ORC4: variants seen among roughly 807,000 people sequenced by gnomAD.
ORC4 encodes the protein origin recognition complex, subunit 4 homolog.
In ORC4, 55 loss-of-function variants were observed where a neutral mutation model predicts 63.9. That is an observed-to-expected ratio of 0.86 (90% CI 0.69 to 1.08). The LOEUF (loss-of-function observed/expected upper bound fraction) is 1.08. Ranked by LOEUF, ORC4 falls within the 50% of genes least tolerant of loss-of-function variation. The probability of loss-of-function intolerance (pLI) is 0.00; values close to 1 mark genes in which losing one functional copy is unlikely to be tolerated. For synonymous variants in ORC4, 150 were observed against 168.5 expected, an observed-to-expected ratio of 0.89 and a Z score of 0.85; for missense variants, 511 against 504.4, an observed-to-expected ratio of 1.01 and a Z score of -0.13.
Position 147,932,056 on chromosome 2 carries a change from C to A in ORC4, c.*3454G>T, listed in dbSNP as rs1421017454. 1 of 151,870 alleles carries A rather than the reference C, an allele frequency of 6.6e-6. No individual in the cohort carries two copies. Among genetic ancestry groups the A allele is most frequent in the African/African-American group, 2.4e-5 (1 of 41,322 alleles). The allele number at this position is 151,870 out of a possible 1,614,324, so 9.4% of individuals were successfully genotyped here. A position where few individuals can be genotyped will look rare whatever the true frequency, so the allele number is the denominator to read the frequency against. ...GACATGATTGTATATCTAGAAAACC[C>A]CATCGTCTCAGCCCAAAATCTCCTT... On this transcript the variant is annotated 3_prime_UTR_variant, in exon 14 of 14. Coordinates refer to ENST00000392857, the MANE Select transcript of ORC4 (RefSeq NM_181741.4).
chr2:147,951,496 T>C (rs1176031750), intron 8 of ORC4: 1 of 152,072 alleles, frequency 6.6e-6, no homozygotes, highest in African/African-American at 2.4e-5. Flanking sequence ...AGACAGTGAG[T>C]TGTTATAAAT....
intron 9 of ORC4, among the ~76,000 whole-genome samples, chr2:147,944,788 A>G (rs2105276458): frequency 6.6e-6 from 1 of 151,922 alleles, no homozygotes; most frequent in Non-Finnish European, 1.5e-5. Context: ...TAAGAAGACC[A>G]GATTCAGAAG....
chr2:148,005,253 G>A (rs1692555290), intron 1 of ORC4, among the ~76,000 whole-genome samples: 1 of 152,144 alleles, frequency 6.6e-6, no homozygotes, highest in African/African-American at 2.4e-5. Flanking sequence ...CATGTCCTTT[G>A]CAGGGACACG....
At chr2:147,992,713 A>G (rs1691696552) in intron 1 of ORC4, among the ~76,000 whole-genome samples, 1 of 152,190 alleles carries the variant, frequency 6.6e-6, no homozygotes, top group African/African-American at 2.4e-5. Context: ...GCTAGGGCTA[A>G]GGAAATGATA....
chr2:147,972,687 T>C (rs370164489), intron 4 of ORC4, 52 bp downstream of exon 4: 1 of 948,092 alleles, frequency 1.1e-6, no homozygotes, highest in African/African-American at 1.6e-5. Context: ...TATTCTTATA[T>C]AAAATAAGAA....
At chr2:147,979,287 AT>A (rs1690731207) in intron 1 of ORC4, among the ~76,000 whole-genome samples, 1 of 152,220 alleles carries the variant, frequency 6.6e-6, no homozygotes, top group South Asian at 2.1e-4. Flanking sequence ...ACATAAAAAA[AT>A]CAATAAGATT....
At chr2:148,014,641 T>A (rs891271847) in intron 1 of ORC4, among the ~76,000 whole-genome samples, 1 of 152,140 alleles carries the variant, frequency 6.6e-6, no homozygotes, top group Non-Finnish European at 1.5e-5. Flanking sequence ...TAGCCACAGA[T>A]TCACTCAACC....
At chr2:148,017,336 T>C (rs997561721) in intron 1 of ORC4, among the ~76,000 whole-genome samples, 12 of 152,248 alleles carry the variant, frequency 7.9e-5, no homozygotes, top group African/African-American at 2.9e-4. Flanking sequence ...AGATGCTAAA[T>C]TAAAACTGCC....
chr2:148,003,597 G>T (rs965249674), intron 1 of ORC4, among the ~76,000 whole-genome samples: 1 of 152,020 alleles, frequency 6.6e-6, no homozygotes, highest in Non-Finnish European at 1.5e-5. Context: ...ACTAAGAATC[G>T]ATAGAACGTA....
At chr2:147,984,579 G>C (rs1193409939) in intron 1 of ORC4, among the ~76,000 whole-genome samples, 2 of 152,090 alleles carry the variant, frequency 1.3e-5, no homozygotes, top group African/African-American at 4.8e-5. Flanking sequence ...AGTCAACTGC[G>C]TATGGAGGAA....
At chr2:147,936,386 C>G (rs935596966) in intron 13 of ORC4, 5 of 151,818 alleles carry the variant, frequency 3.3e-5, no homozygotes, top group Non-Finnish European at 5.9e-5. Flanking sequence ...CTTTTCTAAC[C>G]TTGAGTGTTG....
intron 4 of ORC4, among the ~76,000 whole-genome samples, chr2:147,967,773 A>T (rs1000915845): frequency 2.0e-5 from 3 of 152,088 alleles, no homozygotes; most frequent in African/African-American, 7.2e-5. Flanking sequence ...CACTAATGAT[A>T]TTCTTCACAG....
rs1329811732 is a variant in ORC4 at position 147,931,649 on chromosome 2, A to G, written c.*3861T>C. 2 of 152,194 alleles carry G rather than the reference A, an allele frequency of 1.3e-5. No individual in the cohort carries two copies. The highest frequency in any genetic ancestry group is 2.9e-5 in the Non-Finnish European group (2 of 68,044). The allele number at this position is 152,194 out of a possible 1,614,324, so 9.4% of individuals were successfully genotyped here. A position where few individuals can be genotyped will look rare whatever the true frequency, so the allele number is the denominator to read the frequency against. On this transcript the variant is annotated 3_prime_UTR_variant, in exon 14 of 14. Transcript: ENST00000392857. ...CATCCCTGGGATGCAAGGCTGGTTC[A>G]ATATACGCAAATCAATGAATGTAAT...
intron 8 of ORC4, chr2:147,951,544 T>G (rs907179404): frequency 6.6e-6 from 1 of 152,228 alleles, no homozygotes; most frequent in African/African-American, 2.4e-5. Flanking sequence ...TTTTGCACAT[T>G]TCGGTTCCCC....
At chr2:147,968,245 A>G (rs1690011930) in intron 4 of ORC4, among the ~76,000 whole-genome samples, 2 of 152,218 alleles carry the variant, frequency 1.3e-5, no homozygotes, top group African/African-American at 4.8e-5. Flanking sequence ...AAAATATCTT[A>G]TGAATAAAAA....
intron 1 of ORC4, among the ~76,000 whole-genome samples, chr2:147,978,470 T>G (rs1009548966): frequency 3.3e-5 from 5 of 152,194 alleles, no homozygotes; most frequent in African/African-American, 1.2e-4. Flanking sequence ...GTTTCAGTAT[T>G]TAATGCAGGA....
chr2:147,996,895 T>G (rs1692007828), intron 1 of ORC4, among the ~76,000 whole-genome samples: 1 of 152,232 alleles, frequency 6.6e-6, no homozygotes, highest in African/African-American at 2.4e-5. Flanking sequence ...CTAGCAATCA[T>G]GTACCCTGGT....
At chr2:147,977,009 T>C (rs1347666754) in intron 1 of ORC4, among the ~76,000 whole-genome samples, 1 of 152,220 alleles carries the variant, frequency 6.6e-6, no homozygotes, top group Non-Finnish European at 1.5e-5. Flanking sequence ...GAATAAATTT[T>C]AACAGATAGA....
At chr2:148,014,323 T>C (rs567502480) in intron 1 of ORC4, among the ~76,000 whole-genome samples, 4 of 152,250 alleles carry the variant, frequency 2.6e-5, no homozygotes, top group Admixed American at 1.3e-4. Flanking sequence ...TGAAGGAAAA[T>C]AGAATTCATG....
Sources: allele counts gnomAD v4.1 joint callset (sites outside exome capture counted in the v4.1 genomes callset), GRCh38; gene constraint gnomAD v4.1.1; transcripts MANE v1.5; gene names NCBI Gene and HGNC (gene_info 2026-07-23, HGNC 2026-07-21).